Variants in TDRD10 observed in about 807,000 individuals in gnomAD.
The protein encoded by TDRD10 is tudor domain containing 10.
TDRD10 carries 40 observed loss-of-function variants against 48.0 expected under a neutral mutation model. That is an observed-to-expected ratio of 0.83 (90% CI 0.65 to 1.09). TDRD10 has a LOEUF of 1.09. Among genes scored for constraint, TDRD10 ranks in the 50% least tolerant of loss-of-function variants. The probability of loss-of-function intolerance (pLI) is 0.00; values close to 1 mark genes in which losing one functional copy is unlikely to be tolerated. For synonymous variants in TDRD10, 162 were observed against 170.4 expected (o/e 0.95, Z 0.38); for missense variants, 378 against 434.7 (o/e 0.87, Z 1.16).
intron 6 of TDRD10, among the ~76,000 whole-genome samples, chr1:154,540,119 A>G (rs963424495): frequency 6.6e-6 from 1 of 152,212 alleles, no homozygotes; most frequent in Non-Finnish European, 1.5e-5. Context: ...CAGTGATGTC[A>G]TGTGATCTAC....
intron 4 of TDRD10, among the ~76,000 whole-genome samples, chr1:154,517,633 G>A (rs1376231420): frequency 6.6e-6 from 1 of 152,102 alleles, no homozygotes; most frequent in Non-Finnish European, 1.5e-5. Context: ...TGTTGGTCAG[G>A]CTAGTCTCAA....
intron 3 of TDRD10, among the ~76,000 whole-genome samples, chr1:154,507,863 G>A (rs370171786): frequency 4.2e-4 from 64 of 152,278 alleles, no homozygotes; most frequent in African/African-American, 1.3e-3. Flanking sequence ...GTCCTGGCAT[G>A]GGCTGTTCCC....
rs547213550 is a variant in TDRD10, at chr1:154,525,477, A to G, written c.369+3998A>G. ...TACTACCCCTGAAAAGTTTTGGGAT[A>G]TAGTGAAGGCAATATTTAGAGGTTC... On this transcript the variant is annotated intron_variant, in intron 6 of 12. Transcript: ENST00000368482. Among the ~76,000 whole-genome samples the G allele has an allele frequency of 2.6e-5, 4 of 152,358 alleles. No individual in the cohort carries two copies. In the South Asian group the frequency reaches 8.3e-4, roughly 32 times the overall value.
intron 4 of TDRD10, among the ~76,000 whole-genome samples, chr1:154,518,109 G>A (rs1297766431): frequency 1.3e-5 from 2 of 152,216 alleles, no homozygotes; most frequent in East Asian, 1.9e-4. Context: ...CTAATAGCAG[G>A]CTATCGATCC....
intron 6 of TDRD10, among the ~76,000 whole-genome samples, chr1:154,532,203 AG>A (rs1694668022): frequency 6.6e-6 from 1 of 152,144 alleles, no homozygotes; most frequent in Non-Finnish European, 1.5e-5. Flanking sequence ...GGGGAGACTC[AG>A]GCATGGCGGG....
intron 4 of TDRD10, among the ~76,000 whole-genome samples, chr1:154,508,849 AT>A (rs1260531053): frequency 1.3e-5 from 2 of 152,160 alleles, no homozygotes; most frequent in African/African-American, 4.8e-5. Context: ...GCCAAAAAAA[AT>A]GACACCTATT....
intron 7 of TDRD10, 119 bp downstream of exon 7, chr1:154,542,185 A>G: frequency 1.0e-6 from 1 of 969,366 alleles, no homozygotes; most frequent in Non-Finnish European, 1.6e-6. Context: ...CTTAGTGTAG[A>G]AATATCCCTT....
intron 1 of TDRD10, among the ~76,000 whole-genome samples, chr1:154,505,818 CA>C (rs1405509540): frequency 2.0e-5 from 3 of 152,072 alleles, no homozygotes; most frequent in Non-Finnish European, 4.4e-5. Flanking sequence ...CCATAAAATC[CA>C]TAAAAATAAA....
At chr1:154,518,844 G>A (rs1693909730) in intron 4 of TDRD10, among the ~76,000 whole-genome samples, 1 of 152,204 alleles carries the variant, frequency 6.6e-6, no homozygotes, top group South Asian at 2.1e-4. Context: ...ACAAAAAAAG[G>A]TGGTGGACTG....
chr1:154,534,729 T>G (rs1433087005), intron 6 of TDRD10: 1 of 152,260 alleles, frequency 6.6e-6, no homozygotes, highest in Non-Finnish European at 1.5e-5. Context: ...TATTGCTTTT[T>G]GGGGAGAGGA....
intron 4 of TDRD10, chr1:154,509,948 G>C: frequency 1.2e-6 from 1 of 838,518 alleles, no homozygotes; most frequent in Middle Eastern, 6.0e-4. Flanking sequence ...AGCACCTGGG[G>C]CTTGCTTGGC....
Position 154,543,975 on chromosome 1 carries a change from G to T in TDRD10, c.516G>T (p.Leu172=). Residue 172 remains leucine, a synonymous_variant, in exon 9 of 13, where the codon CTG becomes CTT. Coordinates refer to ENST00000368482, the MANE Select transcript of TDRD10 (RefSeq NM_182499.4). ...GCTCTTCCCGCAGAGGGTCCTTCCT[G>T]GTGCTGCTCCTGAGGGAATGCTTCC... ...AVPLEMRGSF[L]VLLLRECFRD... is the part of the protein sequence containing the mutation. 6.2e-7 allele frequency: 1 copy of T among 1,614,140 alleles called. No individual in the cohort carries two copies. The highest frequency in any genetic ancestry group is 8.5e-7 in the Non-Finnish European group (1 of 1,180,004).
At chr1:154,533,392 G>T (rs1334180606) in intron 6 of TDRD10, among the ~76,000 whole-genome samples, 1 of 146,126 alleles carries the variant, frequency 6.8e-6, no homozygotes. Context: ...TGGTGTTTCT[G>T]GGTTGCTGGC....
At chr1:154,544,549 G>T (rs375031845) in intron 10 of TDRD10, 32 bp downstream of exon 10, 106 of 1,602,060 alleles carry the variant, frequency 6.6e-5, no homozygotes, top group Non-Finnish European at 8.8e-5. Flanking sequence ...GAGTCTATGG[G>T]AGAGGCGTGC....
At position 154,544,480 on chromosome 1, in the gene TDRD10, G is replaced by T. The variant is rs145219619; in HGVS notation, c.760G>T (p.Glu254Ter). 680 of 1,613,830 alleles carry T rather than the reference G, an allele frequency of 4.2e-4. 1 individual carries two copies. The highest frequency in any genetic ancestry group is 5.5e-4 in the Non-Finnish European group (645 of 1,179,970). The change falls in exon 10 of 13, where the codon GAG becomes TAG. Residue 254 changes from glutamate (E) to a stop codon, truncating the protein, a stop_gained. Transcript: ENST00000368482. LOFTEE classifies it high-confidence loss of function. ...TVMRGTRCLA[E>*]YHLGDYGHAW... ...TATGCGCGGGACTCGCTGTCTGGCAGAGTACCACCTGGGGGATTATGGACA... is the reference window on the plus strand; with the variant it reads ...TATGCGCGGGACTCGCTGTCTGGCATAGTACCACCTGGGGGATTATGGACA...
At chr1:154,544,690 T>C in intron 10 of TDRD10, 105 bp from the exon 11 acceptor site, 1 of 1,510,030 alleles carries the variant, frequency 6.6e-7, no homozygotes, top group East Asian at 2.3e-5. Context: ...GCAAACTCGC[T>C]CTTCCTCCCT....
chr1:154,530,143 G>A (rs921548815), intron 6 of TDRD10, among the ~76,000 whole-genome samples: 2 of 151,888 alleles, frequency 1.3e-5, no homozygotes, highest in Admixed American at 6.6e-5. Context: ...GCCTCCCGAG[G>A]AGCTGGAATT....
rs1570890763 is a variant in TDRD10, at chr1:154,507,472, C to T, written c.82+152C>T. ...TTCCTCCAGTCAGCCACCATGTTTC[C>T]TGTCTCATAGTGGATGTGGCGCCTG... On this transcript the variant is annotated intron_variant, in intron 3 of 12. Transcript: ENST00000368482. 4 of 961,946 alleles carry T rather than the reference C, an allele frequency of 4.2e-6. No individual in the cohort carries two copies. In the East Asian group the frequency reaches 1.1e-4, roughly 25 times the overall value. 59.6% of individuals were successfully genotyped at this position (961,946 alleles called of 1,614,324 possible).
intron 4 of TDRD10, among the ~76,000 whole-genome samples, chr1:154,515,401 A>G (rs1056953421): frequency 1.3e-5 from 2 of 152,134 alleles, no homozygotes; most frequent in African/African-American, 4.8e-5. Context: ...CTCCACTCAG[A>G]AGCCTCCAGT....
Sources: allele counts gnomAD v4.1 joint callset (sites outside exome capture counted in the v4.1 genomes callset), GRCh38; gene constraint gnomAD v4.1.1; transcripts MANE v1.5; gene names NCBI Gene and HGNC (gene_info 2026-07-23, HGNC 2026-07-21).